Variants in KCNH5 observed in about 807,000 individuals in gnomAD.
KCNH5 encodes potassium voltage-gated channel subfamily H member 5.
Under a neutral mutation model 96.1 loss-of-function variants are expected in KCNH5, and 46 were observed. That is an observed-to-expected ratio of 0.48 (90% confidence interval 0.38 to 0.61). KCNH5 has a LOEUF of 0.61. KCNH5 is among the 20% of genes least tolerant of loss of function. The pLI is 0.00. For synonymous variants in KCNH5, 439 were observed against 449.8 expected (o/e 0.98, Z 0.30); for missense variants, 907 against 1,225.8 (o/e 0.74, Z 3.88).
chr14:62,791,592 C>A (rs1381062231), intron 9 of KCNH5, among the ~76,000 whole-genome samples: 1 of 151,526 alleles, frequency 6.6e-6, no homozygotes, highest in East Asian at 1.9e-4. Context: ...ATATTCCATG[C>A]AAACAGTAGC....
chr14:63,003,766 G>A (rs893734943), intron 3 of KCNH5, among the ~76,000 whole-genome samples: 11 of 149,324 alleles, frequency 7.4e-5, no homozygotes, highest in Middle Eastern at 6.9e-3. Context: ...ACTACAAGGC[G>A]CCTGCCACCA....
intron 5 of KCNH5, among the ~76,000 whole-genome samples, chr14:62,982,598 T>A (rs1890630875): frequency 2.0e-5 from 3 of 152,202 alleles, no homozygotes; most frequent in Non-Finnish European, 4.4e-5. Context: ...CTTGTTAGCA[T>A]GTAACTCTGA....
chr14:62,770,278 A>T (rs1422546724), intron 10 of KCNH5, among the ~76,000 whole-genome samples: 1 of 152,208 alleles, frequency 6.6e-6, no homozygotes, highest in Non-Finnish European at 1.5e-5. Context: ...ACAAAAGATC[A>T]TTGCTACTGA....
At chr14:62,924,045 G>A (rs1045489195) in intron 7 of KCNH5, among the ~76,000 whole-genome samples, 1 of 151,882 alleles carries the variant, frequency 6.6e-6, no homozygotes, top group African/African-American at 2.4e-5. Context: ...CTACAGAATG[G>A]GAGGAAATAT....
chr14:62,923,849 T>C (rs1595686372), intron 7 of KCNH5, among the ~76,000 whole-genome samples: 1 of 151,860 alleles, frequency 6.6e-6, no homozygotes, highest in African/African-American at 2.4e-5. Flanking sequence ...AACATAAGAA[T>C]TGAAATCATA....
chr14:63,004,779 T>C (rs1891095314), intron 3 of KCNH5, among the ~76,000 whole-genome samples: 1 of 152,248 alleles, frequency 6.6e-6, no homozygotes, highest in Non-Finnish European at 1.5e-5. Context: ...TATTTTTTTT[T>C]TCATAGAGGC....
At chr14:62,750,027 C>T (rs944088826) in intron 10 of KCNH5, among the ~76,000 whole-genome samples, 5 of 152,122 alleles carry the variant, frequency 3.3e-5, no homozygotes, top group African/African-American at 1.2e-4. Flanking sequence ...GATCCAACCC[C>T]AACTGGTAAA....
chr14:62,788,582 G>A (rs956787978), intron 9 of KCNH5, among the ~76,000 whole-genome samples: 1 of 152,084 alleles, frequency 6.6e-6, no homozygotes, highest in African/African-American at 2.4e-5. Flanking sequence ...ACATGCTATA[G>A]GAGAAATATT....
chr14:62,870,042 T>C (rs1888220952), intron 7 of KCNH5, among the ~76,000 whole-genome samples: 1 of 152,228 alleles, frequency 6.6e-6, no homozygotes, highest in Non-Finnish European at 1.5e-5. Flanking sequence ...AGTTTCTATG[T>C]CCATGGCTAC....
intron 6 of KCNH5, among the ~76,000 whole-genome samples, chr14:62,967,357 C>T (rs955714939): frequency 6.6e-6 from 1 of 151,948 alleles, no homozygotes; most frequent in African/African-American, 2.4e-5. Flanking sequence ...GCTGAGATTA[C>T]AGGCATTAGC....
chr14:62,811,785 C>G (rs1325113139), intron 8 of KCNH5, among the ~76,000 whole-genome samples: 1 of 152,008 alleles, frequency 6.6e-6, no homozygotes, highest in Non-Finnish European at 1.5e-5. Flanking sequence ...CTGACAGAAG[C>G]TTCGCTGGAA....
intron 7 of KCNH5, among the ~76,000 whole-genome samples, chr14:62,914,032 T>C (rs760180764): frequency 2.6e-5 from 4 of 152,076 alleles, no homozygotes; most frequent in Non-Finnish European, 4.4e-5. Context: ...GTAATCAGAG[T>C]GAAAAGGGCT....
Position 62,776,197 on chromosome 14 carries a change from G to A in KCNH5, c.2019+3531C>T, listed in dbSNP as rs560837080. ...CAGGAGAATCACTTGAACCCAGGAG[G>A]CGGAGGTTGCAGTGAGTCGAGATCG... On this transcript the variant is annotated intron_variant, in intron 10 of 10. Transcript: ENST00000322893. Among the ~76,000 whole-genome samples, 3 of 152,096 alleles carry A rather than the reference G, an allele frequency of 2.0e-5. No individual in the cohort carries two copies. In the South Asian group the frequency reaches 6.2e-4, roughly 32 times the overall value.
At chr14:62,911,668 A>G (rs1889157306) in intron 7 of KCNH5, among the ~76,000 whole-genome samples, 1 of 152,100 alleles carries the variant, frequency 6.6e-6, no homozygotes, top group African/African-American at 2.4e-5. Flanking sequence ...AACATTTTGT[A>G]TATAAGAAAA....
chr14:62,997,680 G>A (rs1566533966), intron 4 of KCNH5, among the ~76,000 whole-genome samples: 1 of 151,692 alleles, frequency 6.6e-6, no homozygotes, highest in African/African-American at 2.4e-5. Flanking sequence ...GGCAGATCAC[G>A]AGGTCAGGAG....
At chr14:62,797,501 C>G (rs1287241015) in intron 9 of KCNH5, among the ~76,000 whole-genome samples, 1 of 151,972 alleles carries the variant, frequency 6.6e-6, no homozygotes, top group Non-Finnish European at 1.5e-5. Flanking sequence ...TGGGAAAAAC[C>G]CTTTTAAGGA....
rs1479454620 is a variant in KCNH5 at position 62,704,560 on chromosome 14, C to G, written c.*2948G>C. On this transcript the variant is annotated 3_prime_UTR_variant, in exon 11 of 11. Coordinates refer to ENST00000322893, the MANE Select transcript of KCNH5 (RefSeq NM_139318.5). ...ACTTTTGCTATTTTGTTACAACCAC[C>G]TGTCGAGGATACAGCATCTGATCTT... is the stretch of plus-strand genomic sequence containing the variant. The G allele has an allele frequency of 6.6e-6, 1 of 151,886 alleles. No individual in the cohort carries two copies. The highest frequency in any genetic ancestry group is 1.5e-5 in the Non-Finnish European group (1 of 67,830). 9.4% of individuals were successfully genotyped at this position (151,886 alleles called of 1,614,324 possible). A position where few individuals can be genotyped will look rare whatever the true frequency, so the allele number is the denominator to read the frequency against.
chr14:63,023,882 G>A (rs901057286), intron 1 of KCNH5, among the ~76,000 whole-genome samples: 1 of 152,132 alleles, frequency 6.6e-6, no homozygotes, highest in South Asian at 2.1e-4. Flanking sequence ...GAACCAATGG[G>A]TCAAGGAAGA....
chr14:62,906,564 T>G (rs895275435), intron 7 of KCNH5, among the ~76,000 whole-genome samples: 1 of 152,198 alleles, frequency 6.6e-6, no homozygotes. Flanking sequence ...ACTAAAAATG[T>G]ACAACTCATT....
Sources: gnomAD v4.1 joint callset for allele counts (sites outside exome capture counted in the v4.1 genomes callset) on GRCh38, gnomAD v4.1.1 for gene constraint, MANE v1.5 for transcripts, NCBI Gene and HGNC (gene_info 2026-07-23, HGNC 2026-07-21) for gene names.